RCC1L: variants seen among roughly 807,000 people sequenced by gnomAD.
RCC1L encodes the protein RCC1 like, also known as RCC1-like G exchanging factor-like protein.
Under a neutral mutation model 58.6 loss-of-function variants are expected in RCC1L, and 46 were observed. The ratio of observed to expected loss-of-function variants is 0.79; its 90% CI spans 0.62 to 1.00. The LOEUF is 1.00. RCC1L is among the 50% of genes least tolerant of loss of function. RCC1L has a pLI of 0.00. For missense variants in RCC1L, 636 were observed against 623.6 expected (o/e 1.02, Z -0.21); for synonymous variants, 281 against 262.9 (o/e 1.07, Z -0.67).
intron 9 of RCC1L, among the ~76,000 whole-genome samples, chr7:75,053,061 G>C (rs1322762518): frequency 6.8e-6 from 1 of 147,684 alleles, no homozygotes; most frequent in Admixed American, 6.9e-5. Flanking sequence ...GGGGCAGGGG[G>C]CAGTGCACGG....
In RCC1L at chr7:75,064,644, G is replaced by A; in HGVS notation, c.588C>T (p.Phe196=). Residue 196 remains phenylalanine (F), a synonymous_variant, in exon 4 of 11, where the codon TTC becomes TTT. Transcript: ENST00000610322. ...GCCCATAAGAATTGTTTCCCATGCT[G>A]AAGACTAAAAATAACACCACCAATC... The part of the protein sequence containing the change: ...SLVLTDREGV[F]SMGNNSYGQC... The A allele has an allele frequency of 6.2e-7, 1 of 1,613,756 alleles. No homozygotes were observed. The highest frequency in any genetic ancestry group is 8.5e-7 in the Non-Finnish European group (1 of 1,179,814).
At chr7:75,069,566 G>T (rs912723445) in intron 2 of RCC1L, among the ~76,000 whole-genome samples, 1 of 151,336 alleles carries the variant, frequency 6.6e-6, no homozygotes, top group Non-Finnish European at 1.5e-5. Flanking sequence ...TTTTCTGTTT[G>T]TTTGTTTGTT....
chr7:75,041,445 T>C (rs1223362363), downstream of RCC1L, among the ~76,000 whole-genome samples: 1 of 152,088 alleles, frequency 6.6e-6, no homozygotes, highest in East Asian at 1.9e-4. Context: ...CAAGTATCTG[T>C]TGTGAACGCA....
At chr7:75,052,872 A>G (rs1805957955) in intron 9 of RCC1L, 76 bp from the exon 10 acceptor site, 13 of 1,410,472 alleles carry the variant, frequency 9.2e-6, no homozygotes, top group Non-Finnish European at 1.2e-5. Context: ...GGGTCATGAG[A>G]ACAGGCTTTC....
chr7:75,043,466 G>A (rs947628652), intron 10 of RCC1L, among the ~76,000 whole-genome samples: 5,180 of 152,298 alleles, frequency 0.034, 258 homozygotes, highest in African/African-American at 0.1. Flanking sequence ...GAACCTGCAC[G>A]CCCTACAGGG....
At chr7:75,039,802 C>T (rs910033552), downstream of RCC1L, among the ~76,000 whole-genome samples, 8 of 152,262 alleles carry the variant, frequency 5.3e-5, no homozygotes, top group East Asian at 1.9e-4. Context: ...GTGCCATTCA[C>T]GTGCTCACTA....
At chr7:75,062,501 C>T (rs1237681403) in intron 5 of RCC1L, among the ~76,000 whole-genome samples, 2 of 152,144 alleles carry the variant, frequency 1.3e-5, no homozygotes, top group African/African-American at 4.8e-5. Context: ...GAATGAGACC[C>T]TGCCTCTAAA....
downstream of RCC1L, among the ~76,000 whole-genome samples, chr7:75,040,617 G>C (rs1805533505): frequency 1.3e-5 from 2 of 151,992 alleles, no homozygotes; most frequent in Admixed American, 6.6e-5. Context: ...TGACCTCCAG[G>C]GGCACTTACC....
chr7:75,031,517 GAA>G (rs34294455), intron 10 of RCC1L, among the ~76,000 whole-genome samples: 1 of 146,440 alleles, frequency 6.8e-6, no homozygotes, highest in Non-Finnish European at 1.5e-5. Flanking sequence ...TAATTAAAAT[GAA>G]AAAAAAAAAC....
intron 6 of RCC1L, among the ~76,000 whole-genome samples, chr7:75,060,067 C>A (rs1283524256): frequency 5.9e-5 from 9 of 152,230 alleles, no homozygotes; most frequent in Admixed American, 5.9e-4. Flanking sequence ...CGGCCCCGAT[C>A]TTTTTACTGT....
At chr7:75,052,385 T>C (rs1805940346) in intron 10 of RCC1L, among the ~76,000 whole-genome samples, 2 of 152,306 alleles carry the variant, frequency 1.3e-5, no homozygotes, top group East Asian at 1.9e-4. Context: ...GGGCTTCTTA[T>C]AGGACTGGAT....
chr7:75,044,276 G>C (rs986309481), intron 10 of RCC1L, among the ~76,000 whole-genome samples: 3 of 152,080 alleles, frequency 2.0e-5, no homozygotes, highest in African/African-American at 7.2e-5. Flanking sequence ...AAGATAAAAG[G>C]ACATTCAGTG....
In RCC1L at chr7:75,042,876, G is replaced by A; in HGVS notation, c.*156C>T. The A allele has an allele frequency of 8.1e-6, 12 of 1,473,140 alleles. No individual in the cohort carries two copies. The highest frequency in any genetic ancestry group is 9.9e-6 in the Non-Finnish European group (11 of 1,105,936). 91.3% of individuals were successfully genotyped at this position (1,473,140 alleles called of 1,614,324 possible). A position where few individuals can be genotyped will look rare whatever the true frequency, so the allele number is the denominator to read the frequency against. On this transcript the variant is annotated 3_prime_UTR_variant, in exon 11 of 11. Coordinates refer to ENST00000610322, the MANE Select transcript of RCC1L (RefSeq NM_030798.5). ...GGACCTTGCCCTGATCCTCCTGGTA[G>A]GTACCCGCTAAGGGATTCAGGACAG...
chr7:75,067,280 G>A (rs1806531927), intron 2 of RCC1L, among the ~76,000 whole-genome samples: 1 of 150,488 alleles, frequency 6.6e-6, no homozygotes, highest in African/African-American at 2.5e-5. Flanking sequence ...CAGCCTGGGG[G>A]ACAAGAGCGA....
chr7:75,051,691 G>A (rs1805920848), intron 10 of RCC1L, among the ~76,000 whole-genome samples: 1 of 152,180 alleles, frequency 6.6e-6, no homozygotes, highest in Non-Finnish European at 1.5e-5. Flanking sequence ...GATTACAGGT[G>A]TGAGACACCA....
intron 1 of RCC1L, among the ~76,000 whole-genome samples, chr7:75,072,718 G>C (rs1806808708): frequency 6.6e-6 from 1 of 152,096 alleles, no homozygotes; most frequent in Non-Finnish European, 1.5e-5. Context: ...AGTGGCTCAC[G>C]CCTGTAATCC....
At chr7:75,056,867 A>C in intron 8 of RCC1L, 1 of 851,688 alleles carries the variant, frequency 1.2e-6, no homozygotes, top group Non-Finnish European at 1.9e-6. Context: ...TGCCCAGTGC[A>C]GTGGCATGAT....
intron 8 of RCC1L, among the ~76,000 whole-genome samples, chr7:75,056,937 A>C (rs1290056921): frequency 1.3e-5 from 2 of 152,062 alleles, no homozygotes; most frequent in African/African-American, 4.8e-5. Flanking sequence ...CAGCCTTCTG[A>C]GTAGCTGGGA....
intron 8 of RCC1L, chr7:75,056,823 T>C: frequency 8.3e-7 from 1 of 1,208,144 alleles, no homozygotes. Context: ...ATGGCCATAG[T>C]CCCTTCCTTT....
Sources: gnomAD v4.1 joint callset for allele counts (sites outside exome capture counted in the v4.1 genomes callset) on GRCh38, gnomAD v4.1.1 for gene constraint, MANE v1.5 for transcripts, NCBI Gene and HGNC (gene_info 2026-07-23, HGNC 2026-07-21) for gene names.